The following MDN1 variants were observed in gnomAD, a reference collection of about 807,000 sequenced individuals.
The protein encoded by MDN1 is midasin AAA ATPase 1.
A neutral mutation model predicts 669.2 loss-of-function variants in MDN1; 266 were observed. The ratio of observed to expected loss-of-function variants is 0.40; its 90% CI spans 0.36 to 0.44. The LOEUF (loss-of-function observed/expected upper bound fraction) is 0.44. Among genes scored for constraint, MDN1 ranks in the 20% least tolerant of loss-of-function variants. The pLI is 1.00. For synonymous variants in MDN1, 2,385 were observed against 2,457.1 expected (o/e 0.97, Z 0.87); for missense variants, 5,940 against 6,754.0 (o/e 0.88, Z 4.22).
At chr6:89,707,676 A>G (rs1279455609) in intron 51 of MDN1, among the ~76,000 whole-genome samples, 200 bp from the exon 52 acceptor site, 1 of 152,166 alleles carries the variant, frequency 6.6e-6, no homozygotes, top group Non-Finnish European at 1.5e-5. Context: ...TGGATGGAGA[A>G]AGCTGGGTCT....
At chr6:89,692,197 G>T (rs964412944) in intron 63 of MDN1, among the ~76,000 whole-genome samples, 1 of 151,894 alleles carries the variant, frequency 6.6e-6, no homozygotes, top group African/African-American at 2.4e-5. Context: ...TGACAAACTG[G>T]GAGAAAACAC....
intron 97 of MDN1, among the ~76,000 whole-genome samples, chr6:89,648,953 C>A (rs56217747): frequency 0.013 from 1,959 of 149,790 alleles, 45 homozygotes; most frequent in African/African-American, 0.046. Flanking sequence ...CATGCCACTG[C>A]ACTCCAGCCT....
intron 77 of MDN1, 74 bp from the exon 78 acceptor site, chr6:89,675,653 G>A: frequency 7.8e-7 from 1 of 1,274,264 alleles, no homozygotes; most frequent in Non-Finnish European, 1.1e-6. Context: ...CTAGAAAGCT[G>A]TTTCTACTAT....
chr6:89,643,725 G>A lies in MDN1; in HGVS notation c.*280C>T, dbSNP rs1340097608. 6.6e-6 allele frequency: 2 copies of A among 304,190 alleles called. No homozygotes were observed. The highest frequency in any genetic ancestry group is 4.3e-5 in the African/African-American group (2 of 46,206). The allele number at this position is 304,190 out of a possible 1,614,324, so 18.8% of individuals were successfully genotyped here. A position where few individuals can be genotyped will look rare whatever the true frequency, so the allele number is the denominator to read the frequency against. ...ACAGGCAGCTGGGCTCCAACGGTGG[G>A]GTATGACCTCCTCCCAGGCCAGGGC... On this transcript the variant is annotated 3_prime_UTR_variant, in exon 102 of 102. Coordinates refer to ENST00000369393, the MANE Select transcript of MDN1 (RefSeq NM_014611.3).
chr6:89,672,441 ATCTGTT>A (rs1178237517), intron 81 of MDN1, 78 bp from the exon 82 acceptor site: 4 of 1,593,454 alleles, frequency 2.5e-6, no homozygotes, highest in African/African-American at 1.4e-5. Context: ...CCATGCAGTT[ATCTGTT>A]TCTAACATCC....
chr6:89,657,115 A>C (rs191870831), intron 90 of MDN1, among the ~76,000 whole-genome samples: 4 of 152,326 alleles, frequency 2.6e-5, no homozygotes, highest in Non-Finnish European at 4.4e-5. Context: ...TTCATCATCA[A>C]CCAGCTATGT....
intron 15 of MDN1, 62 bp downstream of exon 15, chr6:89,771,499 C>T: frequency 2.2e-6 from 3 of 1,373,950 alleles, no homozygotes; most frequent in Non-Finnish European, 2.1e-6. Flanking sequence ...ACTAAGAAAA[C>T]AGTATTTCTT....
chr6:89,738,986 C>T lies in MDN1; in HGVS notation c.4594-531G>A, dbSNP rs1019259624. Among the ~76,000 whole-genome samples, 3 of 152,354 alleles carry T rather than the reference C, an allele frequency of 2.0e-5. No individual in the cohort carries two copies. The South Asian group carries it at 6.2e-4, about 32-fold the overall frequency. Reference sequence around the variant, plus strand: ...TTAGGGCCTTTGCCCCTGTAGATTCCTTTTCCCACCACAAGGTCAGTTGAC... The same window carrying T: ...TTAGGGCCTTTGCCCCTGTAGATTCTTTTTCCCACCACAAGGTCAGTTGAC... On this transcript the variant is annotated intron_variant, in intron 32 of 101. Coordinates refer to ENST00000369393, the MANE Select transcript of MDN1 (RefSeq NM_014611.3).
chr6:89,649,883 G>A (rs765961009), intron 97 of MDN1, 141 bp downstream of exon 97: 48 of 876,466 alleles, frequency 5.5e-5, no homozygotes, highest in Non-Finnish European at 8.3e-5. Flanking sequence ...CTCAAAACAG[G>A]CCTAACAGGT....
chr6:89,803,044 A>G (rs1767766840), intron 2 of MDN1, among the ~76,000 whole-genome samples: 1 of 152,154 alleles, frequency 6.6e-6, no homozygotes, highest in African/African-American at 2.4e-5. Context: ...CTGTATATGC[A>G]TGTCTTGCCA....
intron 37 of MDN1, among the ~76,000 whole-genome samples, chr6:89,725,848 T>C (rs550135636): frequency 6.6e-6 from 1 of 151,756 alleles, no homozygotes; most frequent in East Asian, 1.9e-4. Context: ...ATGTTAGAAT[T>C]ACAGGCATAA....
In MDN1 at chr6:89,738,263, C is replaced by T. The variant is rs1052953182; in HGVS notation, c.4723+63G>A. Reference sequence around the variant, plus strand: ...AGGGCTGATGTCCTGTAAGAGATCCCTCAACTCCCAACACAAACCCTTCTA... The same window carrying T: ...AGGGCTGATGTCCTGTAAGAGATCCTTCAACTCCCAACACAAACCCTTCTA... On this transcript the variant is annotated intron_variant, in intron 33 of 101. Coordinates refer to ENST00000369393, the MANE Select transcript of MDN1 (RefSeq NM_014611.3). The T allele has an allele frequency of 8.9e-6, 14 of 1,576,862 alleles. No individual in the cohort carries two copies. The African/African-American group carries it at 1.8e-4, about 20-fold the overall frequency.
intron 93 of MDN1, among the ~76,000 whole-genome samples, chr6:89,653,599 C>G (rs1285158914): frequency 3.3e-5 from 5 of 152,164 alleles, no homozygotes; most frequent in African/African-American, 4.8e-5. Context: ...GATAGTCAAC[C>G]GTTCTAACAG....
intron 74 of MDN1, 21 bp from the exon 75 acceptor site, chr6:89,678,766 G>A (rs1207025902): frequency 1.3e-6 from 2 of 1,598,646 alleles, no homozygotes; most frequent in Non-Finnish European, 1.7e-6. Context: ...AAACAAGGCG[G>A]GGAGGGGAGA....
intron 37 of MDN1, among the ~76,000 whole-genome samples, chr6:89,726,109 C>T (rs74702467): frequency 0.011 from 1,646 of 152,138 alleles, 25 homozygotes; most frequent in African/African-American, 0.038. Flanking sequence ...TAATAACTTG[C>T]AGAAAAACTT....
chr6:89,763,165 C>T (rs1454542120), intron 15 of MDN1, among the ~76,000 whole-genome samples: 1 of 151,978 alleles, frequency 6.6e-6, no homozygotes, highest in Non-Finnish European at 1.5e-5. Flanking sequence ...AAAAAACCAT[C>T]CATATTTCAT....
chr6:89,774,667 G>A lies in MDN1; in HGVS notation c.1888C>T (p.Arg630Ter), dbSNP rs1045605840. Residue 630 changes from arginine to a stop codon, truncating the protein, a stop_gained, in exon 13 of 102, where the codon CGA (arginine) becomes TGA (stop). Coordinates refer to ENST00000369393, the MANE Select transcript of MDN1 (RefSeq NM_014611.3). LOFTEE classifies it high-confidence loss of function. The part of the protein sequence containing the change: ...VINELDLQVG[R>*]VRLLRKQSEA... ...CTTTGTTTCCGTAGAAGCCGCACTC[G>A]ACCCACTTGCAAATCTAGCTCATTG... The A allele has an allele frequency of 1.9e-6, 3 of 1,613,552 alleles. No homozygotes were observed. The highest frequency in any genetic ancestry group is 2.5e-6 in the Non-Finnish European group (3 of 1,179,710).
chr6:89,670,163 TATATA>T (rs1310902280), intron 83 of MDN1, among the ~76,000 whole-genome samples: 530 of 29,960 alleles, frequency 0.018, 6 homozygotes, highest in Non-Finnish European at 0.026. Flanking sequence ...TATATATATA[TATATA>T]TATTTTTTTT....
At chr6:89,665,515 T>C (rs1157766294) in intron 84 of MDN1, among the ~76,000 whole-genome samples, 2 of 146,630 alleles carry the variant, frequency 1.4e-5, no homozygotes, top group African/African-American at 5.1e-5. Context: ...GAGACCAGCC[T>C]GGCCAAGATG....
Sources: gnomAD v4.1 joint callset for allele counts (sites outside exome capture counted in the v4.1 genomes callset) on GRCh38, gnomAD v4.1.1 for gene constraint, MANE v1.5 for transcripts, NCBI Gene and HGNC (gene_info 2026-07-23, HGNC 2026-07-21) for gene names.